THOC2: variants seen among roughly 807,000 people sequenced by gnomAD.
The protein encoded by THOC2 is THO complex 2.
THOC2 carries 10 observed loss-of-function variants against 128.4 expected under a neutral mutation model. The ratio of observed to expected loss-of-function variants is 0.08; its 90% CI spans 0.05 to 0.13. The LOEUF is 0.13. Among genes scored for constraint, THOC2 ranks in the 10% least tolerant of loss-of-function variants. THOC2 has a pLI of 1.00. For missense variants in THOC2, 535 were observed against 1,155.7 expected (o/e 0.46, Z 7.79); for synonymous variants, 393 against 396.9 (o/e 0.99, Z 0.12).
chrX:123,656,169 A>G (rs1191370766), intron 12 of THOC2, among the ~76,000 whole-genome samples: 1 of 108,351 alleles, frequency 9.2e-6, no homozygotes, highest in Non-Finnish European at 1.9e-5. Context: ...CTAAAAGTAC[A>G]AAAATTAGCT....
At chrX:123,677,137 G>C (rs1410972490) in intron 8 of THOC2, among the ~76,000 whole-genome samples, 1 of 111,149 alleles carries the variant, frequency 9.0e-6, no homozygotes, top group Non-Finnish European at 1.9e-5. Context: ...GAATACTATA[G>C]GCAACTGTAA....
rs375074808 is a variant in THOC2 at position 123,620,865 on chromosome X, G to A, written c.4275+42C>T. On this transcript the variant is annotated intron_variant, in intron 32 of 38. Transcript: ENST00000245838. ...GTCAGGACACTGGTATTCCAAACAG[G>A]TGAGCCTAACATGGACGCTGCCTTC... 12 of 1,167,036 alleles carry A rather than the reference G, an allele frequency of 1.0e-5. 1 individual carries two copies. The South Asian group carries it at 1.5e-4, about 14-fold the overall frequency.
At chrX:123,633,493 C>T (rs1051528683) in intron 20 of THOC2, among the ~76,000 whole-genome samples, 6 of 111,746 alleles carry the variant, frequency 5.4e-5, no homozygotes, top group Middle Eastern at 4.6e-3. Flanking sequence ...ACCTCCGCCT[C>T]CTGGGTTCAA....
chrX:123,689,963 T>C (rs2050151651), intron 7 of THOC2, among the ~76,000 whole-genome samples: 1 of 110,806 alleles, frequency 9.0e-6, no homozygotes, highest in Non-Finnish European at 1.9e-5. Flanking sequence ...ACCAGCTACA[T>C]TAATACACAC....
At chrX:123,707,510 A>T (rs2050984337) in intron 2 of THOC2, among the ~76,000 whole-genome samples, 1 of 111,978 alleles carries the variant, frequency 8.9e-6, no homozygotes, top group African/African-American at 3.2e-5. Context: ...AATCAAACAA[A>T]AAATACATGT....
At position 123,706,843 on chromosome X, in the gene THOC2, T is replaced by C. The variant is rs1257841539; in HGVS notation, c.222+15A>G. On this transcript the variant is annotated intron_variant, in intron 3 of 38. Coordinates refer to ENST00000245838, the MANE Select transcript of THOC2 (RefSeq NM_001081550.2). ...TATAACAACTATTAACTTAAAAAAATATATACATACTTACACTAATGTCAC... is the reference window on the plus strand; with the variant it reads ...TATAACAACTATTAACTTAAAAAAACATATACATACTTACACTAATGTCAC... 1.1e-6 allele frequency: 1 copy of C among 915,253 alleles called. No individual in the cohort carries two copies. The highest frequency in any genetic ancestry group is 2.1e-5 in the African/African-American group (1 of 48,572). The allele number at this position is 915,253 out of a possible 1,213,427, so 75.4% of individuals were successfully genotyped here.
rs766217859 is a variant in THOC2, at chrX:123,732,395, G to A, written c.71+557C>T. Among the ~76,000 whole-genome samples, 7 of 112,656 alleles carry A rather than the reference G, an allele frequency of 6.2e-5. No homozygotes were observed. The South Asian group carries it at 2.6e-3, about 41-fold the overall frequency. ...ACAGTCGAGAGACCGCTCCCCGGGA[G>A]GGCGAGAGGTGCCAAACCGGGTTCT... On this transcript the variant is annotated intron_variant, in intron 1 of 38. Coordinates refer to ENST00000245838, the MANE Select transcript of THOC2 (RefSeq NM_001081550.2).
At chrX:123,689,729 T>C (rs925189739) in intron 7 of THOC2, among the ~76,000 whole-genome samples, 1 of 112,131 alleles carries the variant, frequency 8.9e-6, no homozygotes, top group Non-Finnish European at 1.9e-5. Flanking sequence ...TGAAAATCAT[T>C]TTTAAAATCT....
chrX:123,706,954 T>C lies in THOC2; in HGVS notation c.131-5A>G. On this transcript the variant is annotated splice_polypyrimidine_tract_variant and splice_region_variant and intron_variant, in intron 2 of 38. Coordinates refer to ENST00000245838, the MANE Select transcript of THOC2 (RefSeq NM_001081550.2). ...CATAGAGAGCTTGCTGGAAATCTGT[T>C]GAACATAAGAGAAATAATGTAAGGA... 1.9e-6 allele frequency: 2 copies of C among 1,039,407 alleles called. No individual in the cohort carries two copies. The highest frequency in any genetic ancestry group is 1.3e-6 in the Non-Finnish European group (1 of 768,822). The allele number at this position is 1,039,407 out of a possible 1,213,427, so 85.7% of individuals were successfully genotyped here.
intron 12 of THOC2, among the ~76,000 whole-genome samples, chrX:123,662,587 C>CAA (rs777761030): frequency 3.0e-3 from 143 of 46,964 alleles, no homozygotes; most frequent in Non-Finnish European, 3.6e-3. Flanking sequence ...GACTCCGTCT[C>CAA]AAAAAAAAAA....
At chrX:123,730,859 G>T (rs778868832) in intron 1 of THOC2, among the ~76,000 whole-genome samples, 1 of 112,008 alleles carries the variant, frequency 8.9e-6, no homozygotes, top group African/African-American at 3.2e-5. Flanking sequence ...CAGGAGAATC[G>T]CTTGAACGTG....
At chrX:123,728,186 AAC>A (rs374357813) in intron 1 of THOC2, among the ~76,000 whole-genome samples, 14 of 111,557 alleles carry the variant, frequency 1.3e-4, no homozygotes, top group African/African-American at 4.6e-4. Flanking sequence ...ATACTGGGAC[AAC>A]ACAGTTTTAT....
chrX:123,704,973 A>G (rs1307580366), intron 3 of THOC2, among the ~76,000 whole-genome samples: 1 of 112,280 alleles, frequency 8.9e-6, no homozygotes, highest in African/African-American at 3.2e-5. Flanking sequence ...TTTTAGGGCT[A>G]TTTTCCATTA....
intron 38 of THOC2, among the ~76,000 whole-genome samples, chrX:123,606,143 A>G (rs2046459649): frequency 9.0e-6 from 1 of 110,545 alleles, no homozygotes; most frequent in African/African-American, 3.3e-5. Flanking sequence ...TGTGAGGTTA[A>G]GAAGGTGCAT....
chrX:123,732,699 TCTA>T (rs780476169), intron 1 of THOC2, among the ~76,000 whole-genome samples: 2 of 111,568 alleles, frequency 1.8e-5, no homozygotes, highest in South Asian at 7.6e-4. Flanking sequence ...GAATAAGAGT[TCTA>T]CTAAGAGGCT....
At chrX:123,648,635 C>T (rs780875994) in intron 12 of THOC2, among the ~76,000 whole-genome samples, 6 of 106,406 alleles carry the variant, frequency 5.6e-5, no homozygotes, top group African/African-American at 2.1e-4. Context: ...GGAGGAGGGG[C>T]GTGTGCAATT....
rs1215394671 is a variant in THOC2 at position 123,608,413 on chromosome X, C to CA, written c.*18+2504dup. Among the ~76,000 whole-genome samples the CA allele has an allele frequency of 1.3e-3, 112 of 88,708 alleles. 1 individual carries two copies. In the Middle Eastern group the frequency reaches 0.037, roughly 30 times the overall value. The allele number at this position is 88,708 out of a possible 115,157, so 77.0% of individuals were successfully genotyped here. A position where few individuals can be genotyped will look rare whatever the true frequency, so the allele number is the denominator to read the frequency against. ...GAGACTCCATCTCAAAACAAACAAA[C>CA]AAAAAAAAAAAGAAACTATCAGCCA... On this transcript the variant is annotated intron_variant, in intron 38 of 38. Coordinates refer to ENST00000245838, the MANE Select transcript of THOC2 (RefSeq NM_001081550.2).
intron 1 of THOC2, among the ~76,000 whole-genome samples, chrX:123,724,249 C>T (rs1175948771): frequency 8.9e-6 from 1 of 111,899 alleles, no homozygotes; most frequent in African/African-American, 3.2e-5. Flanking sequence ...AACCTTGCAG[C>T]TCACCTCTGT....
intron 1 of THOC2, among the ~76,000 whole-genome samples, chrX:123,721,967 C>T (rs1569453055): frequency 1.8e-5 from 2 of 111,918 alleles, no homozygotes; most frequent in South Asian, 7.4e-4. Context: ...TTTTATGAAA[C>T]ACCATTTTTT....
Sources: gnomAD v4.1 joint callset for allele counts (sites outside exome capture counted in the v4.1 genomes callset) on GRCh38, gnomAD v4.1.1 for gene constraint, MANE v1.5 for transcripts, NCBI Gene and HGNC (gene_info 2026-07-23, HGNC 2026-07-21) for gene names.